Variants in MAP7D2 observed in about 807,000 individuals in gnomAD.
MAP7D2 encodes MAP7 domain-containing protein 2.
A neutral mutation model predicts 63.5 loss-of-function variants in MAP7D2; 33 were observed. That is an observed-to-expected ratio of 0.52 (90% confidence interval 0.39 to 0.70). The LOEUF (loss-of-function observed/expected upper bound fraction) is 0.70, where lower values mean the gene tolerates loss of function less well. MAP7D2 is among the 30% of genes least tolerant of loss of function. The probability of loss-of-function intolerance (pLI) is 0.00; values close to 1 mark genes in which losing one functional copy is unlikely to be tolerated. For synonymous variants in MAP7D2, 224 were observed against 223.7 expected (o/e 1.00, Z -0.01); for missense variants, 626 against 604.0 (o/e 1.04, Z -0.38).
chrX:20,086,307 C>T (rs770983954), intron 1 of MAP7D2, among the ~76,000 whole-genome samples: 2 of 111,853 alleles, frequency 1.8e-5, no homozygotes, highest in South Asian at 3.7e-4. Flanking sequence ...GCTGGGCCCA[C>T]GGGAACCCTG....
Position 20,012,380 on chromosome X carries a change from A to C in MAP7D2, c.2041T>G (p.Ser681Ala). Residue 681 changes from serine (S) to alanine (A), a missense_variant, in exon 15 of 17, where the codon TCA (serine) becomes GCA (alanine). Physicochemically the swap from Ser to Ala is moderately conservative, Grantham distance 99. Coordinates refer to ENST00000379643, the MANE Select transcript of MAP7D2 (RefSeq NM_001168465.2). ...LDGKSNSLDD[S>A]TEEVQSMDVS... ...TCCATAGACTGAACTTCTTCAGTTG[A>C]ATCATCCAGGCTATTTGATTTCCCA... The C allele has an allele frequency of 8.3e-7, 1 of 1,205,992 alleles. No individual in the cohort carries two copies. The highest frequency in any genetic ancestry group is 1.8e-5 in the South Asian group (1 of 55,442).
At chrX:20,115,337 C>A (rs2066865401) in intron 1 of MAP7D2, among the ~76,000 whole-genome samples, 1 of 106,400 alleles carries the variant, frequency 9.4e-6, no homozygotes, top group Non-Finnish European at 1.9e-5. Flanking sequence ...CTCATGAGTA[C>A]AACAGAACAT....
intron 9 of MAP7D2, 53 bp from the exon 10 acceptor site, chrX:20,025,136 T>C: frequency 8.7e-7 from 1 of 1,147,695 alleles, no homozygotes; most frequent in Non-Finnish European, 1.2e-6. Flanking sequence ...ACGAATATAA[T>C]GATTCCACTC....
intron 8 of MAP7D2, among the ~76,000 whole-genome samples, chrX:20,038,739 T>C (rs920445104): frequency 9.0e-6 from 1 of 111,364 alleles, no homozygotes; most frequent in African/African-American, 3.3e-5. Context: ...ACAACAAAGA[T>C]TGCCCCCTGG....
chrX:20,065,205 A>C (rs1295748380), intron 1 of MAP7D2, among the ~76,000 whole-genome samples: 1 of 111,049 alleles, frequency 9.0e-6, no homozygotes, highest in Non-Finnish European at 1.9e-5. Context: ...GGGAGAGGAG[A>C]AGCACAAAAA....
chrX:20,094,521 T>C (rs2066175381), intron 1 of MAP7D2, among the ~76,000 whole-genome samples: 8 of 11,244 alleles, frequency 7.1e-4, no homozygotes, highest in African/African-American at 3.2e-3. Context: ...TATATGTATA[T>C]ATATATATAT....
At chrX:20,113,870 T>C (rs1224153145) in intron 1 of MAP7D2, among the ~76,000 whole-genome samples, 1 of 111,917 alleles carries the variant, frequency 8.9e-6, no homozygotes, top group Non-Finnish European at 1.9e-5. Context: ...AAATGAACAA[T>C]TAAATTATTA....
At chrX:20,101,232 T>C (rs2148533289) in intron 1 of MAP7D2, among the ~76,000 whole-genome samples, 1 of 112,137 alleles carries the variant, frequency 8.9e-6, no homozygotes, top group Admixed American at 9.5e-5. Context: ...CAAGCCACTT[T>C]GGAAAATGGT....
chrX:20,111,358 C>T lies in MAP7D2; in HGVS notation c.130+5392G>A, dbSNP rs1241417727. Among the ~76,000 whole-genome samples, 3 of 112,120 alleles carry T rather than the reference C, an allele frequency of 2.7e-5. No individual in the cohort carries two copies. In the Admixed American group the frequency reaches 2.9e-4, roughly 11 times the overall value. On this transcript the variant is annotated intron_variant, in intron 1 of 16. Transcript: ENST00000379643. The stretch of plus-strand genomic sequence containing the variant: ...GTGTACATTACATTCAGGTTCTGAG[C>T]GCTTTGCAGGCCCTGTGGAGTGGGA...
intron 1 of MAP7D2, among the ~76,000 whole-genome samples, chrX:20,066,144 G>T (rs1420342473): frequency 9.0e-6 from 1 of 110,954 alleles, no homozygotes; most frequent in Non-Finnish European, 1.9e-5. Flanking sequence ...GGATGGTCTC[G>T]ATCTCCTGAC....
At chrX:20,013,650 A>T in intron 12 of MAP7D2, 25 bp from the exon 13 acceptor site, 1 of 1,089,880 alleles carries the variant, frequency 9.2e-7, no homozygotes, top group Non-Finnish European at 1.3e-6. Flanking sequence ...CAAAAAACAA[A>T]ATCAAGTAAG....
At chrX:20,021,053 C>A (rs776415505) in intron 10 of MAP7D2, among the ~76,000 whole-genome samples, 2 of 111,923 alleles carry the variant, frequency 1.8e-5, no homozygotes, top group Non-Finnish European at 3.8e-5. Context: ...TAAAGTGATC[C>A]GTCTAGGAAT....
intron 6 of MAP7D2, among the ~76,000 whole-genome samples, chrX:20,046,071 G>A (rs1434055362): frequency 8.9e-6 from 1 of 112,324 alleles, no homozygotes; most frequent in Non-Finnish European, 1.9e-5. Context: ...AGTCTCTGTA[G>A]TAGATTTTTC....
intron 12 of MAP7D2, among the ~76,000 whole-genome samples, 164 bp downstream of exon 12, chrX:20,015,059 C>T (rs1029281215): frequency 3.6e-5 from 4 of 111,387 alleles, no homozygotes; most frequent in African/African-American, 9.8e-5. Context: ...ACTGATGGAA[C>T]GAGATGGCAA....
chrX:20,107,441 T>C (rs770518521), intron 1 of MAP7D2, among the ~76,000 whole-genome samples: 1 of 110,844 alleles, frequency 9.0e-6, no homozygotes, highest in South Asian at 3.8e-4. Flanking sequence ...CGTGGTGGCA[T>C]GTGCCTATAA....
chrX:20,105,440 A>G (rs1351550853), intron 1 of MAP7D2, among the ~76,000 whole-genome samples: 1 of 111,488 alleles, frequency 9.0e-6, no homozygotes, highest in Non-Finnish European at 1.9e-5. Context: ...GCCCTGAAGC[A>G]GGTGCTGGGT....
intron 6 of MAP7D2, among the ~76,000 whole-genome samples, chrX:20,049,335 A>G (rs1490375050): frequency 9.7e-6 from 1 of 103,292 alleles, no homozygotes; most frequent in Non-Finnish European, 2.0e-5. Context: ...ACAGTGGTGC[A>G]ATCTCGGCTC....
At chrX:20,027,436 G>A (rs1028469875) in intron 8 of MAP7D2, among the ~76,000 whole-genome samples, 1 of 111,653 alleles carries the variant, frequency 9.0e-6, no homozygotes, top group East Asian at 2.8e-4. Context: ...ATATACGCCC[G>A]CAGAGCAGGC....
At chrX:20,111,556 A>G (rs1356222339) in intron 1 of MAP7D2, among the ~76,000 whole-genome samples, 1 of 111,559 alleles carries the variant, frequency 9.0e-6, no homozygotes, top group East Asian at 2.8e-4. Context: ...TCCCGGCAGA[A>G]GTCTCGTGGT....
Sources: allele counts gnomAD v4.1 joint callset (sites outside exome capture counted in the v4.1 genomes callset), GRCh38; gene constraint gnomAD v4.1.1; transcripts MANE v1.5; gene names NCBI Gene and HGNC (gene_info 2026-07-23, HGNC 2026-07-21).